RGS7BP: variants seen among roughly 807,000 people sequenced by gnomAD.
RGS7BP encodes regulator of G protein signaling 7-binding protein.
A neutral mutation model predicts 31.3 loss-of-function variants in RGS7BP; 9 were observed. The observed-to-expected ratio is 0.29, with a 90% CI of 0.17 to 0.50. The LOEUF (loss-of-function observed/expected upper bound fraction) is 0.50. RGS7BP is among the 20% of genes least tolerant of loss of function. RGS7BP has a pLI of 0.98. For synonymous variants in RGS7BP, 115 were observed against 120.1 expected (o/e 0.96, Z 0.28); for missense variants, 274 against 322.0 (o/e 0.85, Z 1.14).
At chr5:64,607,953 G>A (rs1358514971) in intron 5 of RGS7BP, among the ~76,000 whole-genome samples, 1 of 152,018 alleles carries the variant, frequency 6.6e-6, no homozygotes, top group African/African-American at 2.4e-5. Context: ...GAATCAGTTC[G>A]ATTGAGGTGG....
chr5:64,609,094 G>A (rs1177960618), intron 5 of RGS7BP, 67 bp from the exon 6 acceptor site: 4 of 993,232 alleles, frequency 4.0e-6, no homozygotes, highest in Middle Eastern at 2.1e-4. Context: ...GATTTTTAAA[G>A]CCACTTCCTA....
At chr5:64,566,781 G>A (rs971588069) in intron 2 of RGS7BP, among the ~76,000 whole-genome samples, 11 of 151,884 alleles carry the variant, frequency 7.2e-5, no homozygotes, top group South Asian at 4.2e-4. Context: ...TGGTCACCAC[G>A]GTTGCTGGGT....
At chr5:64,586,262 G>A (rs891046607) in intron 3 of RGS7BP, among the ~76,000 whole-genome samples, 21 of 152,106 alleles carry the variant, frequency 1.4e-4, no homozygotes, top group East Asian at 9.7e-4. Context: ...GAATATCTAT[G>A]AACTGACCCT....
At chr5:64,601,470 C>T (rs1743215745) in intron 5 of RGS7BP, 1 of 977,454 alleles carries the variant, frequency 1.0e-6, no homozygotes. Flanking sequence ...GGAAGGTGGC[C>T]AAGGGCAGGA....
At chr5:64,550,683 A>C in intron 2 of RGS7BP, among the ~76,000 whole-genome samples, 1 of 150,850 alleles carries the variant, frequency 6.6e-6, no homozygotes, top group Admixed American at 6.6e-5. Flanking sequence ...GCACCCATTA[A>C]CTCATCATTT....
intron 2 of RGS7BP, among the ~76,000 whole-genome samples, chr5:64,548,495 C>T (rs377528667): frequency 6.6e-6 from 1 of 151,978 alleles, no homozygotes; most frequent in Non-Finnish European, 1.5e-5. Context: ...ACTGGACAAC[C>T]AACCTGTTCT....
chr5:64,604,570 C>A lies in RGS7BP; in HGVS notation c.683-4591C>A, dbSNP rs151131494. On this transcript the variant is annotated intron_variant, in intron 5 of 5. Transcript: ENST00000334025. ...TAGGACCAGCAGCAATGTCTGGGAA[C>A]TTGTAAGAAATGCTGATCCTCTGGC... Among the ~76,000 whole-genome samples the A allele has an allele frequency of 3.9e-5, 6 of 152,210 alleles. No homozygotes were observed. The East Asian group carries it at 1.2e-3, about 29-fold the overall frequency.
rs59246397 is a variant in RGS7BP at position 64,579,320 on chromosome 5, C to T, written c.463+3416C>T. ...CAGCACTATGGGAGGCTGAGGTGGG[C>T]GGATCACGAGGTCAGGAGTTCAAGA... On this transcript the variant is annotated intron_variant, in intron 3 of 5. Transcript: ENST00000334025. Among the ~76,000 whole-genome samples, 1,162 of 151,844 alleles carry T rather than the reference C, an allele frequency of 7.7e-3. 15 individuals are homozygous for T. Among genetic ancestry groups the T allele is most frequent in the African/African-American group, 0.027 (1,106 of 41,446 alleles).
chr5:64,538,519 TTTTCTTTTC>T (rs1220380487), intron 2 of RGS7BP, among the ~76,000 whole-genome samples: 18 of 123,910 alleles, frequency 1.5e-4, no homozygotes, highest in African/African-American at 5.9e-4. Context: ...TTTTTTTTCC[TTTTCTTTTC>T]TTTTTTTTTT....
chr5:64,558,508 G>A (rs938801340), intron 2 of RGS7BP, among the ~76,000 whole-genome samples: 5 of 152,002 alleles, frequency 3.3e-5, no homozygotes, highest in Admixed American at 6.6e-5. Flanking sequence ...ACCTTCATAA[G>A]CTGAGGATGT....
chr5:64,533,120 T>C (rs1029464842), intron 2 of RGS7BP, among the ~76,000 whole-genome samples: 1 of 152,200 alleles, frequency 6.6e-6, no homozygotes, highest in Non-Finnish European at 1.5e-5. Flanking sequence ...GTGATGACCA[T>C]ACCAGCTTCT....
Position 64,565,296 on chromosome 5 carries a change from ATATAT to A in RGS7BP, c.333-10472_333-10468del, listed in dbSNP as rs376612794. ...AAAAAAGTGAACTCCAGTGTAATAC[ATATAT>A]TATATGCTGCTTACTTGCTCTCTCT... On this transcript the variant is annotated intron_variant, in intron 2 of 5. Transcript: ENST00000334025. Among the ~76,000 whole-genome samples, 1,078 of 152,162 alleles carry A rather than the reference ATATAT, an allele frequency of 7.1e-3. 9 individuals are homozygous for A. Among genetic ancestry groups the A allele is most frequent in the African/African-American group, 0.024 (992 of 41,516 alleles).
chr5:64,579,635 T>C (rs1344739288), intron 3 of RGS7BP, among the ~76,000 whole-genome samples: 9 of 122,206 alleles, frequency 7.4e-5, no homozygotes, highest in African/African-American at 2.8e-4. Flanking sequence ...TGAAAGAAAA[T>C]ATCATTAAAC....
At chr5:64,520,966 G>A (rs371473648) in intron 2 of RGS7BP, among the ~76,000 whole-genome samples, 2 of 152,316 alleles carry the variant, frequency 1.3e-5, no homozygotes, top group East Asian at 1.9e-4. Flanking sequence ...AAAACACTAC[G>A]ACTTAAAATA....
intron 2 of RGS7BP, among the ~76,000 whole-genome samples, chr5:64,559,959 A>G (rs570691599): frequency 6.6e-6 from 1 of 152,272 alleles, no homozygotes; most frequent in African/African-American, 2.4e-5. Context: ...CAAGCACTGA[A>G]TGGATAAAGG....
intron 2 of RGS7BP, among the ~76,000 whole-genome samples, chr5:64,548,649 G>A (rs1741716837): frequency 6.6e-6 from 1 of 151,990 alleles, no homozygotes; most frequent in South Asian, 2.1e-4. Context: ...TGGGATTACA[G>A]GCACCCACCA....
intron 5 of RGS7BP, among the ~76,000 whole-genome samples, chr5:64,606,119 GT>G (rs990147621): frequency 6.7e-6 from 1 of 150,354 alleles, no homozygotes; most frequent in African/African-American, 2.4e-5. Flanking sequence ...AGGTTTTTAG[GT>G]TTTTTTTAAT....
At position 64,506,891 on chromosome 5, in the gene RGS7BP, C is replaced by T; in HGVS notation, c.165+102C>T. 1 of 1,095,598 alleles carries T rather than the reference C, an allele frequency of 9.1e-7. No homozygotes were observed. Among genetic ancestry groups the T allele is most frequent in the East Asian group, 2.5e-5 (1 of 40,464 alleles). 67.9% of individuals were successfully genotyped at this position (1,095,598 alleles called of 1,614,324 possible). ...GCCTGAGTGCCAGCCACTCCCCCACCCTCAGCTCCTCAATGCCGATCACGT... is the reference window on the plus strand; with the variant it reads ...GCCTGAGTGCCAGCCACTCCCCCACTCTCAGCTCCTCAATGCCGATCACGT... On this transcript the variant is annotated intron_variant, in intron 1 of 5. Transcript: ENST00000334025. This position sits in a 1 kb window ranked among gnomAD's most constrained non-coding sequence, Gnocchi z 4.6.
intron 3 of RGS7BP, among the ~76,000 whole-genome samples, chr5:64,582,711 T>C (rs2111920544): frequency 6.6e-6 from 1 of 152,312 alleles, no homozygotes; most frequent in African/African-American, 2.4e-5. Context: ...TGCTGGGAGC[T>C]AAGAGCTCAA....
Sources: allele counts gnomAD v4.1 joint callset (sites outside exome capture counted in the v4.1 genomes callset), GRCh38; gene constraint gnomAD v4.1.1; non-coding constraint Gnocchi (gnomAD v3.1); transcripts MANE v1.5; gene names NCBI Gene and HGNC (gene_info 2026-07-23, HGNC 2026-07-21).